Variants in CCDC171 observed in about 807,000 individuals in gnomAD.
CCDC171 encodes the protein coiled-coil domain containing 171, also known as coiled-coil domain-containing protein 171.
In CCDC171, 177 loss-of-function variants were observed where a neutral mutation model predicts 168.2. That is an observed-to-expected ratio of 1.05 (90% CI 0.93 to 1.19). The LOEUF is 1.19. CCDC171 is among the 50% of genes most tolerant of loss of function. CCDC171 has a pLI of 0.00. For missense variants in CCDC171, 1,991 were observed against 1,539.0 expected, an observed-to-expected ratio of 1.29 and a Z score of -4.91; for synonymous variants, 687 against 540.8, an observed-to-expected ratio of 1.27 and a Z score of -3.75.
At chr9:15,842,839 T>A (rs1217736160) in intron 21 of CCDC171, among the ~76,000 whole-genome samples, 1 of 151,950 alleles carries the variant, frequency 6.6e-6, no homozygotes, top group Admixed American at 6.6e-5. Flanking sequence ...TTTAGAAATA[T>A]AATATTATGT....
At chr9:15,748,955 C>T (rs1208855909) in intron 18 of CCDC171, among the ~76,000 whole-genome samples, 2 of 152,144 alleles carry the variant, frequency 1.3e-5, no homozygotes, top group Admixed American at 6.5e-5. Context: ...GGATCAAATT[C>T]ACATATAACA....
At chr9:16,093,029 C>T in the CCDC171 span, among the ~76,000 whole-genome samples, 4 of 152,216 alleles carry the variant, frequency 2.6e-5, no homozygotes, top group Admixed American at 6.5e-5. Context: ...GCTGACAAAA[C>T]GTGGTCTGCT....
At chr9:15,654,802 G>T (rs752507599) in intron 7 of CCDC171, among the ~76,000 whole-genome samples, 1 of 152,122 alleles carries the variant, frequency 6.6e-6, no homozygotes, top group African/African-American at 2.4e-5. Context: ...GAAAGTGGGT[G>T]CAGGACAGTG....
chr9:15,745,157 G>A (rs2055182045), intron 17 of CCDC171, among the ~76,000 whole-genome samples: 1 of 152,106 alleles, frequency 6.6e-6, no homozygotes, highest in South Asian at 2.1e-4. Context: ...AGTATGAAAT[G>A]GGTTAAAAAT....
chr9:15,814,883 G>A (rs2059503789), intron 21 of CCDC171, among the ~76,000 whole-genome samples: 1 of 152,108 alleles, frequency 6.6e-6, no homozygotes, highest in South Asian at 2.1e-4. Context: ...AAAGTAATTA[G>A]AATATTGACA....
chr9:15,894,487 T>C (rs1011630909), intron 24 of CCDC171, among the ~76,000 whole-genome samples: 7 of 152,166 alleles, frequency 4.6e-5, no homozygotes, highest in African/African-American at 1.7e-4. Context: ...CTTATACAGC[T>C]AAATGGCTTC....
chr9:16,004,729 A>G (rs1832648554), intron 3 of CCDC171, among the ~76,000 whole-genome samples: 1 of 152,208 alleles, frequency 6.6e-6, no homozygotes, highest in Non-Finnish European at 1.5e-5. Flanking sequence ...TAGAATAGTA[A>G]GATTTCTTAG....
intron 18 of CCDC171, among the ~76,000 whole-genome samples, chr9:15,750,149 C>G (rs939453824): frequency 6.6e-6 from 1 of 151,866 alleles, no homozygotes; most frequent in Non-Finnish European, 1.5e-5. Context: ...CACCACTGAT[C>G]CCATACAAAT....
At chr9:15,860,479 A>G (rs1236511411) in intron 23 of CCDC171, among the ~76,000 whole-genome samples, 1 of 151,654 alleles carries the variant, frequency 6.6e-6, no homozygotes, top group Non-Finnish European at 1.5e-5. Flanking sequence ...TTTTGTCTCA[A>G]GATATTTTCT....
chr9:16,039,765 C>T (rs575291643), upstream of CCDC171, among the ~76,000 whole-genome samples: 45 of 152,272 alleles, frequency 3.0e-4, 3 homozygotes, highest in South Asian at 9.1e-3. Context: ...TGGAAATCAT[C>T]ACTCAGTCAC....
chr9:15,556,177 A>G (rs562228986), intron 1 of CCDC171, among the ~76,000 whole-genome samples: 1 of 152,244 alleles, frequency 6.6e-6, no homozygotes, highest in Admixed American at 6.5e-5. Flanking sequence ...AGCATGATTT[A>G]CAGTTTCTGC....
intron 21 of CCDC171, among the ~76,000 whole-genome samples, chr9:15,793,092 A>C (rs1056562669): frequency 7.2e-5 from 11 of 152,182 alleles, no homozygotes; most frequent in African/African-American, 2.4e-4. Context: ...TCACGTGCAG[A>C]GACACACATA....
At chr9:15,646,905 T>G (rs918009453) in intron 7 of CCDC171, among the ~76,000 whole-genome samples, 1 of 152,218 alleles carries the variant, frequency 6.6e-6, no homozygotes, top group Non-Finnish European at 1.5e-5. Flanking sequence ...GTGGACCTAA[T>G]AGACATCTAC....
intron 23 of CCDC171, among the ~76,000 whole-genome samples, chr9:15,867,151 T>C (rs987624305): frequency 2.6e-5 from 4 of 152,052 alleles, no homozygotes; most frequent in South Asian, 2.1e-4. Context: ...TCCTATGAGA[T>C]AGAAAGATGA....
At chr9:16,067,373 G>A in the CCDC171 span, among the ~76,000 whole-genome samples, 2 of 152,154 alleles carry the variant, frequency 1.3e-5, no homozygotes, top group Non-Finnish European at 2.9e-5. Flanking sequence ...CCCTTTGTCA[G>A]ATGAGTAGGT....
chr9:15,937,709 G>A (rs1827263233), intron 25 of CCDC171, among the ~76,000 whole-genome samples: 1 of 151,906 alleles, frequency 6.6e-6, no homozygotes, highest in Non-Finnish European at 1.5e-5. Flanking sequence ...CTGAATTTAT[G>A]CCAAGCTTAA....
At chr9:15,724,248 C>A (rs1432453112) in intron 13 of CCDC171, among the ~76,000 whole-genome samples, 1 of 152,098 alleles carries the variant, frequency 6.6e-6, no homozygotes, top group Non-Finnish European at 1.5e-5. Flanking sequence ...AGTCAACTCT[C>A]AGAAGTTTCC....
intron 16 of CCDC171, among the ~76,000 whole-genome samples, chr9:15,743,893 G>C (rs1242632809): frequency 6.6e-6 from 1 of 152,190 alleles, no homozygotes; most frequent in Non-Finnish European, 1.5e-5. Flanking sequence ...TGTCATTTCT[G>C]TTTAAAAGTA....
chr9:15,569,640 C>A (rs1205418525), intron 2 of CCDC171, among the ~76,000 whole-genome samples: 1 of 151,538 alleles, frequency 6.6e-6, no homozygotes, highest in African/African-American at 2.4e-5. Flanking sequence ...ACGGTGAAAC[C>A]CCGTCTCTAC....
Sources: gnomAD v4.1 joint callset for allele counts (sites outside exome capture counted in the v4.1 genomes callset) on GRCh38, gnomAD v4.1.1 for gene constraint, MANE v1.5 for transcripts, NCBI Gene and HGNC (gene_info 2026-07-23, HGNC 2026-07-21) for gene names.